TMCO4: variants seen among roughly 807,000 people sequenced by gnomAD.
TMCO4 encodes the protein transmembrane and coiled-coil domain-containing protein 4.
Under a neutral mutation model 64.7 loss-of-function variants are expected in TMCO4, and 58 were observed. The ratio of observed to expected loss-of-function variants is 0.90; its 90% CI spans 0.73 to 1.12. The LOEUF (loss-of-function observed/expected upper bound fraction) is 1.12, where lower values mean the gene tolerates loss of function less well. Among genes scored for constraint, TMCO4 ranks in the 50% most tolerant of loss-of-function variants. The pLI, the probability that TMCO4 is intolerant of heterozygous loss-of-function variation, is 0.00. For synonymous variants in TMCO4, 325 were observed against 346.1 expected, an observed-to-expected ratio of 0.94 and a Z score of 0.68; for missense variants, 780 against 825.9, an observed-to-expected ratio of 0.94 and a Z score of 0.68.
At chr1:19,708,543 G>A (rs1375665726) in intron 13 of TMCO4, among the ~76,000 whole-genome samples, 9 of 152,076 alleles carry the variant, frequency 5.9e-5, no homozygotes, top group Admixed American at 3.3e-4. Context: ...TGCACAAAGC[G>A]GGGCCAGCCC....
intron 3 of TMCO4, among the ~76,000 whole-genome samples, chr1:19,785,316 C>T (rs4655163): frequency 0.033 from 5,013 of 152,274 alleles, 107 homozygotes; most frequent in Middle Eastern, 0.054. Context: ...TCTCAGCACC[C>T]TGTTCTATTT....
chr1:19,733,141 C>T (rs938154142), intron 13 of TMCO4, among the ~76,000 whole-genome samples: 2 of 152,126 alleles, frequency 1.3e-5, no homozygotes, highest in East Asian at 1.9e-4. Flanking sequence ...GTTGCGGGCA[C>T]GTGTAATCCC....
rs140890354 is a variant in TMCO4, at chr1:19,744,169, C to T, written c.877+1363G>A. Among the ~76,000 whole-genome samples the T allele has an allele frequency of 1.0e-3, 154 of 151,788 alleles. 2 individuals are homozygous for T. Among genetic ancestry groups the T allele is most frequent in the African/African-American group, 3.6e-3 (151 of 41,470 alleles). On this transcript the variant is annotated intron_variant, in intron 10 of 15. Coordinates refer to ENST00000294543, the MANE Select transcript of TMCO4 (RefSeq NM_181719.7). ...TGGTCAGGTTGGGACGTTTAGGATTCCCGCACCCACCCTGCTCTTTTTCTA... is the reference window on the plus strand; with the variant it reads ...TGGTCAGGTTGGGACGTTTAGGATTTCCGCACCCACCCTGCTCTTTTTCTA...
At chr1:19,785,484 A>G (rs972521371) in intron 3 of TMCO4, among the ~76,000 whole-genome samples, 1 of 152,202 alleles carries the variant, frequency 6.6e-6, no homozygotes, top group Non-Finnish European at 1.5e-5. Context: ...GGATCACTGT[A>G]GGCATTCAGG....
At chr1:19,791,566 C>T (rs1029494571) in intron 2 of TMCO4, among the ~76,000 whole-genome samples, 1 of 152,220 alleles carries the variant, frequency 6.6e-6, no homozygotes, top group Non-Finnish European at 1.5e-5. Flanking sequence ...GCCTCCACCC[C>T]TTGATCTGAT....
intron 14 of TMCO4, among the ~76,000 whole-genome samples, chr1:19,695,947 C>T (rs2095233508): frequency 6.6e-6 from 1 of 152,152 alleles, no homozygotes; most frequent in African/African-American, 2.4e-5. Flanking sequence ...CCCAGTTCTT[C>T]CTCCCCTCTC....
intron 2 of TMCO4, among the ~76,000 whole-genome samples, chr1:19,795,487 TAA>T (rs2044263287): frequency 6.6e-6 from 1 of 151,626 alleles, no homozygotes; most frequent in Non-Finnish European, 1.5e-5. Context: ...AGTAAATAAA[TAA>T]AAAATAAATT....
chr1:19,781,598 A>G (rs1310979519), intron 3 of TMCO4, among the ~76,000 whole-genome samples: 2 of 151,940 alleles, frequency 1.3e-5, no homozygotes, highest in Non-Finnish European at 2.9e-5. Context: ...AAAAAGACTG[A>G]GAATACCAAG....
In TMCO4 at chr1:19,723,913, A is replaced by C. The variant is rs908485856; in HGVS notation, c.1264+13459T>G. Among the ~76,000 whole-genome samples, 18 of 152,176 alleles carry C rather than the reference A, an allele frequency of 1.2e-4. 1 individual carries two copies. Among genetic ancestry groups the C allele is most frequent in the Non-Finnish European group, 4.4e-5 (3 of 68,026 alleles). ...GAGGCGAGGCTGGAGCAAGCCCCCA[A>C]ATTCCTGCCTTCTTTAAATAACAGA... On this transcript the variant is annotated intron_variant, in intron 13 of 15. Coordinates refer to ENST00000294543, the MANE Select transcript of TMCO4 (RefSeq NM_181719.7).
At chr1:19,698,166 G>A (rs1211181784) in intron 14 of TMCO4, among the ~76,000 whole-genome samples, 2 of 152,172 alleles carry the variant, frequency 1.3e-5, no homozygotes, top group African/African-American at 4.8e-5. Context: ...AGGCAGACAT[G>A]GCTCACTCAC....
intron 6 of TMCO4, among the ~76,000 whole-genome samples, chr1:19,762,755 T>C (rs2042561880): frequency 6.6e-6 from 1 of 152,182 alleles, no homozygotes; most frequent in African/African-American, 2.4e-5. Flanking sequence ...CCTCCTGTTG[T>C]AAGGCACTGA....
At chr1:19,692,025 G>A (rs1022161736) in intron 15 of TMCO4, among the ~76,000 whole-genome samples, 7 of 152,158 alleles carry the variant, frequency 4.6e-5, no homozygotes, top group African/African-American at 1.4e-4. Flanking sequence ...ACGTGAAATT[G>A]AGTCCATTAA....
chr1:19,796,257 A>T (rs1361080214), intron 2 of TMCO4, among the ~76,000 whole-genome samples: 1 of 151,904 alleles, frequency 6.6e-6, no homozygotes, highest in Non-Finnish European at 1.5e-5. Flanking sequence ...GGCCTGTGTG[A>T]CCTCAAACCC....
chr1:19,752,964 A>T lies in TMCO4; in HGVS notation c.515+2670T>A, dbSNP rs529503598. On this transcript the variant is annotated intron_variant, in intron 7 of 15. Transcript: ENST00000294543. ...CTTTCTTTCTTTATTTTTAATTGTAATTTTTTTTTTTTGAGATGGAGTTTC... is the reference window on the plus strand; with the variant it reads ...CTTTCTTTCTTTATTTTTAATTGTATTTTTTTTTTTTTGAGATGGAGTTTC... 9.0e-5 allele frequency among the ~76,000 whole-genome samples: 13 copies of T among 144,122 alleles called. No homozygotes were observed. In the South Asian group the frequency reaches 2.7e-3, roughly 30 times the overall value. 94.5% of individuals were successfully genotyped at this position (144,122 alleles called of 152,430 possible).
intron 13 of TMCO4, among the ~76,000 whole-genome samples, chr1:19,735,709 C>T (rs1157850113): frequency 6.6e-6 from 1 of 152,132 alleles, no homozygotes; most frequent in African/African-American, 2.4e-5. Context: ...TAAAGTCTTG[C>T]CTGTACTAAC....
chr1:19,773,599 G>A (rs76771306), intron 4 of TMCO4, among the ~76,000 whole-genome samples: 1,577 of 152,282 alleles, frequency 0.01, 32 homozygotes, highest in African/African-American at 0.036. Flanking sequence ...GCCAGCAGCT[G>A]GGGGTGAAAG....
chr1:19,755,657 C>A lies in TMCO4; in HGVS notation c.492G>T (p.Lys164Asn), dbSNP rs756765917. 6.2e-7 allele frequency: 1 copy of A among 1,614,078 alleles called. No individual in the cohort carries two copies. The highest frequency in any genetic ancestry group is 8.5e-7 in the Non-Finnish European group (1 of 1,179,990). Residue 164 changes from lysine to asparagine, a missense_variant, in exon 7 of 16, where the codon AAG becomes AAT. Transcript: ENST00000294543. Reference sequence around the variant, plus strand: ...ACTCAGATTCCTCTTCTTTGATTTCCTTCAGGCTCTCCAGGAACATCTCTT... The same window carrying A: ...ACTCAGATTCCTCTTCTTTGATTTCATTCAGGCTCTCCAGGAACATCTCTT... ...VLEEMFLESLKEIKEEESEMA... is the reference protein window; with the variant it reads ...VLEEMFLESLNEIKEEESEMA...
intron 13 of TMCO4, among the ~76,000 whole-genome samples, chr1:19,713,957 G>C (rs2095343794): frequency 6.6e-6 from 1 of 151,646 alleles, no homozygotes; most frequent in South Asian, 2.1e-4. Flanking sequence ...TTATTTTTGA[G>C]ACAGAGTCTC....
intron 13 of TMCO4, among the ~76,000 whole-genome samples, chr1:19,731,980 C>T (rs1043458391): frequency 1.3e-5 from 2 of 152,206 alleles, no homozygotes; most frequent in Non-Finnish European, 2.9e-5. Flanking sequence ...TGAGATCTTG[C>T]ATCAGAGAGA....
Sources: allele counts gnomAD v4.1 joint callset (sites outside exome capture counted in the v4.1 genomes callset), GRCh38; gene constraint gnomAD v4.1.1; transcripts MANE v1.5; gene names NCBI Gene and HGNC (gene_info 2026-07-23, HGNC 2026-07-21).